FAM161A: variants seen among roughly 807,000 people sequenced by gnomAD.
FAM161A encodes protein FAM161A.
A neutral mutation model predicts 70.9 loss-of-function variants in FAM161A; 57 were observed. The observed-to-expected ratio is 0.80, with a 90% confidence interval of 0.65 to 1.00. The LOEUF is 1.00. FAM161A is among the 50% of genes least tolerant of loss of function. FAM161A has a pLI of 0.00. For synonymous variants in FAM161A, 299 were observed against 295.7 expected, an observed-to-expected ratio of 1.01 and a Z score of -0.12; for missense variants, 880 against 836.0, an observed-to-expected ratio of 1.05 and a Z score of -0.65.
downstream of FAM161A, among the ~76,000 whole-genome samples, chr2:61,823,362 C>CATATATATATATATAT (rs59631970): frequency 1.8e-3 from 212 of 120,006 alleles, 6 homozygotes; most frequent in African/African-American, 4.4e-3. Flanking sequence ...AATTTTCCAT[C>CATATATATATATATAT]ATATATATAT....
the FAM161A span, among the ~76,000 whole-genome samples, chr2:61,815,642 C>T: frequency 6.7e-6 from 1 of 149,094 alleles, no homozygotes; most frequent in Admixed American, 6.8e-5. Context: ...CCTTCGCCTC[C>T]CAGGTTAAAG....
At chr2:61,807,590 C>G in the FAM161A span, among the ~76,000 whole-genome samples, 3 of 149,144 alleles carry the variant, frequency 2.0e-5, no homozygotes, top group African/African-American at 4.9e-5. Flanking sequence ...TTTGCAGAGC[C>G]TATTTTGGGA....
Position 61,835,977 on chromosome 2 carries a change from T to G in FAM161A, c.1851+33A>C, listed in dbSNP as rs752398070. 2.2e-5 allele frequency: 29 copies of G among 1,309,706 alleles called. 1 individual carries two copies. The highest frequency in any genetic ancestry group is 3.0e-5 in the Non-Finnish European group (28 of 930,494). 81.1% of individuals were successfully genotyped at this position (1,309,706 alleles called of 1,614,324 possible). A position where few individuals can be genotyped will look rare whatever the true frequency, so the allele number is the denominator to read the frequency against. On this transcript the variant is annotated intron_variant, in intron 5 of 6. Coordinates refer to ENST00000404929, the MANE Select transcript of FAM161A (RefSeq NM_001201543.2). The stretch of plus-strand genomic sequence containing the variant: ...AAGCTGTAAAAAAAAAAAAAAAAAC[T>G]GACGATAGCTCTTAAATTCCAATAA...
the FAM161A span, among the ~76,000 whole-genome samples, chr2:61,805,114 C>A: frequency 2.0e-5 from 3 of 152,120 alleles, no homozygotes; most frequent in Non-Finnish European, 4.4e-5. Context: ...TCCATCTTAA[C>A]CAATTGCAAA....
In FAM161A at chr2:61,840,045, G is replaced by A. The variant is rs1251726085; in HGVS notation, c.959C>T (p.Ala320Val). The change falls in exon 3 of 7, where the codon GCC (alanine) becomes GTC (valine). Residue 320 changes from alanine to valine, a missense_variant. Ala to Val is a moderately conservative substitution (Grantham distance 64). Coordinates refer to ENST00000404929, the MANE Select transcript of FAM161A (RefSeq NM_001201543.2). ...LKEKSKEALL[A>V]SQKPFKFIAR... Reference sequence around the variant, plus strand: ...TATAAATTTAAATGGCTTTTGTGAGGCCAAAAGAGCTTCTTTGCTTTTCTC... The same window carrying A: ...TATAAATTTAAATGGCTTTTGTGAGACCAAAAGAGCTTCTTTGCTTTTCTC... 1 of 1,614,016 alleles carries A rather than the reference G, an allele frequency of 6.2e-7. No homozygotes were observed. The highest frequency in any genetic ancestry group is 1.7e-5 in the Admixed American group (1 of 59,988).
At chr2:61,845,978 A>G (rs1323330391) in intron 1 of FAM161A, among the ~76,000 whole-genome samples, 2 of 151,278 alleles carry the variant, frequency 1.3e-5, no homozygotes, top group Non-Finnish European at 2.9e-5. Context: ...AGTCCCAGCT[A>G]CTCAGGGGAC....
intron 5 of FAM161A, among the ~76,000 whole-genome samples, chr2:61,834,659 C>T (rs1462469737): frequency 3.3e-5 from 5 of 152,064 alleles, no homozygotes; most frequent in Admixed American, 3.3e-4. Context: ...GACAAGGTTT[C>T]ACCATGTTGG....
chr2:61,806,878 G>C, the FAM161A span, among the ~76,000 whole-genome samples: 2 of 151,776 alleles, frequency 1.3e-5, no homozygotes, highest in African/African-American at 2.4e-5. Context: ...ATTTTTAGTA[G>C]AGACGGGGTT....
At chr2:61,822,140 G>T (rs960161307), downstream of FAM161A, among the ~76,000 whole-genome samples, 1 of 151,346 alleles carries the variant, frequency 6.6e-6, no homozygotes, top group Non-Finnish European at 1.5e-5. Flanking sequence ...TACTATAAAG[G>T]TTATTCCTGG....
the FAM161A span, among the ~76,000 whole-genome samples, chr2:61,818,228 G>T: frequency 6.6e-6 from 1 of 151,998 alleles, no homozygotes; most frequent in African/African-American, 2.4e-5. Context: ...GCTAATTTTT[G>T]TATTTTCAGT....
At chr2:61,842,685 A>G (rs995977133) in intron 1 of FAM161A, among the ~76,000 whole-genome samples, 1 of 152,220 alleles carries the variant, frequency 6.6e-6, no homozygotes, top group African/African-American at 2.4e-5. Context: ...AAGTATTTCT[A>G]TAAGGAGCCT....
At chr2:61,837,773 A>G (rs1294404654) in intron 4 of FAM161A, among the ~76,000 whole-genome samples, 1 of 152,214 alleles carries the variant, frequency 6.6e-6, no homozygotes, top group East Asian at 1.9e-4. Context: ...TTAATAGTTT[A>G]CTTCCTAAGG....
At chr2:61,829,978 T>TA (rs35728481) in intron 5 of FAM161A, among the ~76,000 whole-genome samples, 32,624 of 146,754 alleles carry the variant, frequency 0.22, 3,572 homozygotes, top group African/African-American at 0.25. Context: ...AAAAATGTAC[T>TA]AAAAAAAAAA....
rs1297342160 is a variant in FAM161A, at chr2:61,825,176, ATTATCT to A, written c.*1273_*1278del. 2.3e-6 allele frequency: 1 copy of A among 439,640 alleles called. No homozygotes were observed. Among genetic ancestry groups the A allele is most frequent in the African/African-American group, 2.0e-5 (1 of 49,066 alleles). 27.2% of individuals were successfully genotyped at this position (439,640 alleles called of 1,614,324 possible). On this transcript the variant is annotated 3_prime_UTR_variant, in exon 7 of 7. Coordinates refer to ENST00000404929, the MANE Select transcript of FAM161A (RefSeq NM_001201543.2). ...TAGAAAAGAAAATGTCTTATGCTAT[ATTATCT>A]TTATGATTGGCTTCAAATTTTAAAA... is the stretch of plus-strand genomic sequence containing the variant.
At chr2:61,832,101 C>T (rs1468572967) in intron 5 of FAM161A, among the ~76,000 whole-genome samples, 1 of 151,892 alleles carries the variant, frequency 6.6e-6, no homozygotes, top group Non-Finnish European at 1.5e-5. Context: ...AAAAATTAGC[C>T]TGGCATGGTA....
At chr2:61,838,884 A>ATTTTTTTT (rs749935817) in intron 3 of FAM161A, among the ~76,000 whole-genome samples, 179 bp from the exon 4 acceptor site, 13 of 133,616 alleles carry the variant, frequency 9.7e-5, no homozygotes, top group African/African-American at 3.7e-4. Context: ...TTATTTATTT[A>ATTTTTTTT]TTTATTTATT....
At chr2:61,846,290 G>C (rs1021967843) in intron 1 of FAM161A, among the ~76,000 whole-genome samples, 2 of 152,038 alleles carry the variant, frequency 1.3e-5, no homozygotes, top group Non-Finnish European at 2.9e-5. Flanking sequence ...AAGCAGTTTT[G>C]GGAAGTAAAC....
At chr2:61,848,138 T>A (rs1303819054) in intron 1 of FAM161A, among the ~76,000 whole-genome samples, 2 of 152,220 alleles carry the variant, frequency 1.3e-5, no homozygotes, top group Non-Finnish European at 2.9e-5. Context: ...AAAAATCATG[T>A]CTTATAGCAG....
chr2:61,837,177 AT>A (rs1645283273), intron 4 of FAM161A, among the ~76,000 whole-genome samples: 1 of 151,978 alleles, frequency 6.6e-6, no homozygotes, highest in Non-Finnish European at 1.5e-5. Flanking sequence ...CTTTGCTGTT[AT>A]TTTTTTCCCC....
Sources: gnomAD v4.1 joint callset for allele counts (sites outside exome capture counted in the v4.1 genomes callset) on GRCh38, gnomAD v4.1.1 for gene constraint, MANE v1.5 for transcripts, NCBI Gene and HGNC (gene_info 2026-07-23, HGNC 2026-07-21) for gene names.